The following MACROD2 variants were observed in gnomAD, a reference collection of about 807,000 sequenced individuals.
MACROD2 encodes the protein ADP-ribose glycohydrolase MACROD2.
A neutral mutation model predicts 70.4 loss-of-function variants in MACROD2; 36 were observed. That is an observed-to-expected ratio of 0.51 (90% CI 0.39 to 0.68). The LOEUF (loss-of-function observed/expected upper bound fraction) is 0.68. Ranked by LOEUF, MACROD2 falls within the 30% of genes least tolerant of loss-of-function variation. The pLI, the probability that MACROD2 is intolerant of heterozygous loss-of-function variation, is 0.00. For synonymous variants in MACROD2, 172 were observed against 178.8 expected (o/e 0.96, Z 0.30); for missense variants, 496 against 538.4 (o/e 0.92, Z 0.78).
At chr20:15,576,930 G>A (rs1287020876) in intron 8 of MACROD2, among the ~76,000 whole-genome samples, 2 of 152,008 alleles carry the variant, frequency 1.3e-5, no homozygotes, top group South Asian at 2.1e-4. Context: ...TATGCATAAC[G>A]GCAGTTGGAA....
At chr20:15,063,063 C>T (rs1331992284) in intron 5 of MACROD2, among the ~76,000 whole-genome samples, 1 of 152,172 alleles carries the variant, frequency 6.6e-6, no homozygotes, top group East Asian at 1.9e-4. Context: ...GGATTCGAAG[C>T]AGCAAACTCA....
chr20:14,680,703 A>G (rs1236927356), intron 4 of MACROD2, among the ~76,000 whole-genome samples: 1 of 152,172 alleles, frequency 6.6e-6, no homozygotes, highest in Admixed American at 6.5e-5. Context: ...AAATGAGTCA[A>G]TACAGACAGA....
intron 6 of MACROD2, among the ~76,000 whole-genome samples, chr20:15,426,368 C>T (rs771794384): frequency 9.2e-5 from 14 of 151,970 alleles, no homozygotes; most frequent in Admixed American, 2.6e-4. Context: ...TTTTAAGACA[C>T]GGTCTCACTC....
At chr20:16,008,782 A>G (rs1176865319) in intron 15 of MACROD2, among the ~76,000 whole-genome samples, 1 of 152,194 alleles carries the variant, frequency 6.6e-6, no homozygotes, top group Non-Finnish European at 1.5e-5. Flanking sequence ...AAAACCTCTC[A>G]TTTGTTTGTG....
chr20:14,847,726 A>C (rs1255340770), intron 5 of MACROD2, among the ~76,000 whole-genome samples: 2 of 152,142 alleles, frequency 1.3e-5, no homozygotes, highest in Non-Finnish European at 2.9e-5. Context: ...GCTTATAATT[A>C]TAATGTGAAT....
At chr20:15,760,621 C>T (rs1478328600) in intron 8 of MACROD2, among the ~76,000 whole-genome samples, 5 of 152,082 alleles carry the variant, frequency 3.3e-5, no homozygotes, top group Admixed American at 3.3e-4. Flanking sequence ...GGAGAGAGGG[C>T]AGGAGGACTC....
intron 6 of MACROD2, among the ~76,000 whole-genome samples, chr20:15,293,669 G>C (rs2077561072): frequency 1.3e-5 from 2 of 152,190 alleles, no homozygotes; most frequent in Admixed American, 6.5e-5. Context: ...GGTATCCAGG[G>C]CCCTGTCTAA....
rs369307685 is a variant in MACROD2, at chr20:15,516,299, A to G, written c.645+16452A>G. ...TTCTGAAAGGAAAATATGCCCTTCAAAAAAAATGTTGGCAGCTTAGATTTC... is the reference window on the plus strand; with the variant it reads ...TTCTGAAAGGAAAATATGCCCTTCAGAAAAAATGTTGGCAGCTTAGATTTC... On this transcript the variant is annotated intron_variant, in intron 8 of 17. Coordinates refer to ENST00000684519, the MANE Select transcript of MACROD2 (RefSeq NM_001351661.2). Among the ~76,000 whole-genome samples, 11 of 152,192 alleles carry G rather than the reference A, an allele frequency of 7.2e-5. 2 individuals are homozygous for G. The highest frequency in any genetic ancestry group is 1.3e-4 in the Admixed American group (2 of 15,286).
chr20:15,451,499 C>T (rs897579754), intron 7 of MACROD2, among the ~76,000 whole-genome samples: 1 of 151,296 alleles, frequency 6.6e-6, no homozygotes, highest in Non-Finnish European at 1.5e-5. Context: ...TGGGCTCTCT[C>T]CCTCTGAGGC....
At chr20:15,981,269 A>T (rs2066394704) in intron 13 of MACROD2, among the ~76,000 whole-genome samples, 1 of 152,146 alleles carries the variant, frequency 6.6e-6, no homozygotes. Flanking sequence ...AATTTACTGA[A>T]TAGATCTCTT....
intron 5 of MACROD2, among the ~76,000 whole-genome samples, chr20:15,069,114 T>C (rs932136237): frequency 1.3e-5 from 2 of 152,142 alleles, no homozygotes; most frequent in African/African-American, 4.8e-5. Context: ...TTGGCTGCAT[T>C]GCATCCACGT....
intron 2 of MACROD2, among the ~76,000 whole-genome samples, chr20:14,023,820 A>G (rs752469426): frequency 7.2e-5 from 11 of 152,162 alleles, no homozygotes; most frequent in Non-Finnish European, 1.5e-4. Flanking sequence ...GTATAGTTTG[A>G]AGTCAGGTAG....
In MACROD2 at chr20:14,702,541, A is replaced by ATG. The variant is rs1205004115; in HGVS notation, c.418+17594_418+17595dup. 2.8e-4 allele frequency among the ~76,000 whole-genome samples: 40 copies of ATG among 143,368 alleles called. 2 individuals are homozygous for ATG. Among genetic ancestry groups the ATG allele is most frequent in the African/African-American group, 9.0e-4 (35 of 38,842 alleles). The allele number at this position is 143,368 out of a possible 152,430, so 94.1% of individuals were successfully genotyped here. A position where few individuals can be genotyped will look rare whatever the true frequency, so the allele number is the denominator to read the frequency against. ...TTGGCTTTTTCACTAAACATTACAT[A>ATG]TGTGTGTGTGTGTATATATATATAC... On this transcript the variant is annotated intron_variant, in intron 5 of 17. Coordinates refer to ENST00000684519, the MANE Select transcript of MACROD2 (RefSeq NM_001351661.2).
At chr20:15,392,978 C>T (rs1421188543) in intron 6 of MACROD2, among the ~76,000 whole-genome samples, 1 of 151,944 alleles carries the variant, frequency 6.6e-6, no homozygotes, top group Admixed American at 6.6e-5. Flanking sequence ...GTTTGAGAAG[C>T]ATGGGATAAG....
intron 8 of MACROD2, among the ~76,000 whole-genome samples, chr20:15,599,851 A>G (rs139677010): frequency 4.4e-4 from 67 of 152,248 alleles, no homozygotes; most frequent in African/African-American, 1.6e-3. Context: ...CAGAACTCCA[A>G]TTAATCAGTT....
chr20:15,874,494 C>A (rs972269118), intron 9 of MACROD2, among the ~76,000 whole-genome samples: 1 of 151,984 alleles, frequency 6.6e-6, no homozygotes, highest in South Asian at 2.1e-4. Context: ...CGCCACACTG[C>A]CTTCCACAAT....
chr20:14,799,133 A>T (rs867983874), intron 5 of MACROD2, among the ~76,000 whole-genome samples: 2 of 152,084 alleles, frequency 1.3e-5, no homozygotes, highest in South Asian at 2.1e-4. Flanking sequence ...TTATAAAAAA[A>T]GTTATGAAAT....
At chr20:14,829,983 A>C (rs2072946253) in intron 5 of MACROD2, among the ~76,000 whole-genome samples, 1 of 152,138 alleles carries the variant, frequency 6.6e-6, no homozygotes, top group Admixed American at 6.5e-5. Context: ...TATGAGTTTC[A>C]TGTTGAATTA....
chr20:15,446,704 T>C (rs1012475431), intron 7 of MACROD2, among the ~76,000 whole-genome samples: 3 of 152,210 alleles, frequency 2.0e-5, no homozygotes, highest in African/African-American at 7.2e-5. Flanking sequence ...CTGAATCCCT[T>C]AGCAAGCCGG....
Sources: allele counts gnomAD v4.1 joint callset (sites outside exome capture counted in the v4.1 genomes callset), GRCh38; gene constraint gnomAD v4.1.1; transcripts MANE v1.5; gene names NCBI Gene and HGNC (gene_info 2026-07-23, HGNC 2026-07-21).